Variants in APPBP2 observed in about 807,000 individuals in gnomAD.
APPBP2 encodes the protein amyloid beta precursor protein binding protein 2.
A neutral mutation model predicts 76.0 loss-of-function variants in APPBP2; 15 were observed. The ratio of observed to expected loss-of-function variants is 0.20; its 90% CI spans 0.13 to 0.30. The LOEUF (loss-of-function observed/expected upper bound fraction) is 0.30, where lower values mean the gene tolerates loss of function less well. Among genes scored for constraint, APPBP2 ranks in the 10% least tolerant of loss-of-function variants. The pLI, the probability that APPBP2 is intolerant of heterozygous loss-of-function variation, is 1.00. For missense variants in APPBP2, 401 were observed against 687.2 expected, an observed-to-expected ratio of 0.58 and a Z score of 4.66; for synonymous variants, 222 against 242.2, an observed-to-expected ratio of 0.92 and a Z score of 0.77.
At chr17:60,470,016 C>CT (rs879308852) in intron 4 of APPBP2, among the ~76,000 whole-genome samples, 2,353 of 147,108 alleles carry the variant, frequency 0.016, 56 homozygotes, top group African/African-American at 0.053. Context: ...TTTCCAATTT[C>CT]TTTTTTTTTT....
At chr17:60,491,887 T>C (rs1200963386) in intron 3 of APPBP2, among the ~76,000 whole-genome samples, 1 of 152,192 alleles carries the variant, frequency 6.6e-6, no homozygotes, top group Admixed American at 6.5e-5. Context: ...AGCAGCCAAA[T>C]GCTAATCTCC....
At chr17:60,515,112 ATTTTTT>A (rs746696162) in intron 1 of APPBP2, among the ~76,000 whole-genome samples, 1 of 106,228 alleles carries the variant, frequency 9.4e-6, no homozygotes, top group African/African-American at 3.7e-5. Flanking sequence ...CCTATTTTAA[ATTTTTT>A]TTTTTTTTTT....
intron 11 of APPBP2, among the ~76,000 whole-genome samples, chr17:60,452,333 T>C (rs906105025): frequency 6.6e-6 from 1 of 152,132 alleles, no homozygotes; most frequent in East Asian, 1.9e-4. Flanking sequence ...ACAAAGAAAT[T>C]TGCAAAATTT....
chr17:60,470,262 T>A (rs1426233698), intron 4 of APPBP2, among the ~76,000 whole-genome samples: 3 of 152,156 alleles, frequency 2.0e-5, no homozygotes, highest in Non-Finnish European at 4.4e-5. Context: ...TTGTCCATTT[T>A]TTATTTTTAA....
At chr17:60,485,395 A>G (rs774385534) in intron 3 of APPBP2, among the ~76,000 whole-genome samples, 1 of 152,158 alleles carries the variant, frequency 6.6e-6, no homozygotes, top group East Asian at 1.9e-4. Context: ...TTATTGGTCT[A>G]TTCAGAGATT....
intron 1 of APPBP2, among the ~76,000 whole-genome samples, chr17:60,524,953 A>G (rs1388723634): frequency 6.6e-6 from 1 of 152,190 alleles, no homozygotes; most frequent in African/African-American, 2.4e-5. Flanking sequence ...AGTTCTCCAC[A>G]CTCTGAAAAC....
intron 3 of APPBP2, among the ~76,000 whole-genome samples, chr17:60,490,215 G>T (rs1308596704): frequency 6.6e-6 from 1 of 152,072 alleles, no homozygotes; most frequent in Non-Finnish European, 1.5e-5. Flanking sequence ...AACTAAGTAA[G>T]GCCAGTAGTC....
chr17:60,472,292 C>T (rs2090558758), intron 4 of APPBP2, among the ~76,000 whole-genome samples: 1 of 152,058 alleles, frequency 6.6e-6, no homozygotes, highest in South Asian at 2.1e-4. Flanking sequence ...GTCTTCAGTC[C>T]TGGACTTTGT....
At position 60,510,264 on chromosome 17, in the gene APPBP2, G is replaced by A. The variant is rs926428651; in HGVS notation, c.139-9777C>T. 6.6e-5 allele frequency among the ~76,000 whole-genome samples: 10 copies of A among 152,014 alleles called. No individual in the cohort carries two copies. In the East Asian group the frequency reaches 1.7e-3, roughly 26 times the overall value. ...ACAAAAAATAAAAAATTAGCCAGAC[G>A]TGGTAGTACATATCTGTAGTCTGAA... On this transcript the variant is annotated intron_variant, in intron 1 of 12. Coordinates refer to ENST00000083182, the MANE Select transcript of APPBP2 (RefSeq NM_006380.5).
chr17:60,463,577 T>C (rs933369049), intron 6 of APPBP2, among the ~76,000 whole-genome samples: 31 of 152,200 alleles, frequency 2.0e-4, no homozygotes, highest in African/African-American at 7.5e-4. Flanking sequence ...AGGTCAAGTA[T>C]AGCAAGCTGC....
chr17:60,502,034 AG>A (rs1489723852), intron 1 of APPBP2, among the ~76,000 whole-genome samples: 27 of 152,286 alleles, frequency 1.8e-4, no homozygotes, highest in African/African-American at 6.3e-4. Flanking sequence ...ACCTTCAGCA[AG>A]AAAGATTTGT....
rs752190648 is a variant in APPBP2, at chr17:60,460,746, A to G, written c.978T>C (p.Asn326=). 1.2e-6 allele frequency: 2 copies of G among 1,613,820 alleles called. No homozygotes were observed. The highest frequency in any genetic ancestry group is 1.1e-5 in the South Asian group (1 of 91,064). The change falls in exon 9 of 13, where the codon AAT becomes AAC. Residue 326 remains asparagine, a synonymous_variant. Coordinates refer to ENST00000083182, the MANE Select transcript of APPBP2 (RefSeq NM_006380.5). ...DIRQSVFGGK[N]IHVATAHEDL... ...CTTCATGAGCTGTTGCTACGTGGAT[A>G]TTTTTGCCACCAAACACTGACTGTC... is the stretch of plus-strand genomic sequence containing the variant.
At chr17:60,521,408 C>A (rs35036155) in intron 1 of APPBP2, among the ~76,000 whole-genome samples, 6 of 152,224 alleles carry the variant, frequency 3.9e-5, no homozygotes, top group African/African-American at 7.2e-5. Context: ...TCACCACTCA[C>A]TCACTGACTT....
At position 60,526,222 on chromosome 17, in the gene APPBP2, C is replaced by G; in HGVS notation, c.-291G>C. On this transcript the variant is annotated 5_prime_UTR_variant, in exon 1 of 13. Coordinates refer to ENST00000083182, the MANE Select transcript of APPBP2 (RefSeq NM_006380.5). ...GGTTCCGTCCCAGCGCTGATCTCTG[C>G]AGGGGCGGGGCTGCGTGTGCGGCGT... 1 of 350,110 alleles carries G rather than the reference C, an allele frequency of 2.9e-6. No individual in the cohort carries two copies. Among genetic ancestry groups the G allele is most frequent in the South Asian group, 3.0e-5 (1 of 33,070 alleles). 21.7% of individuals were successfully genotyped at this position (350,110 alleles called of 1,614,324 possible).
chr17:60,468,478 C>T (rs746215361), intron 4 of APPBP2: 2 of 152,202 alleles, frequency 1.3e-5, no homozygotes, highest in Non-Finnish European at 2.9e-5. Flanking sequence ...TTTCCAAAGA[C>T]CTTCACTGTA....
At chr17:60,497,602 A>T (rs998027446) in intron 2 of APPBP2, among the ~76,000 whole-genome samples, 1 of 152,202 alleles carries the variant, frequency 6.6e-6, no homozygotes, top group Admixed American at 6.5e-5. Context: ...TATCTTATGT[A>T]ACCCATAAAT....
chr17:60,521,728 T>C lies in APPBP2; in HGVS notation c.138+4066A>G, dbSNP rs184621165. ...CACTGCACCTAGCCCCCAGGACAGC[T>C]TTGAATGAGACCCAACAGAAATTCG... On this transcript the variant is annotated intron_variant, in intron 1 of 12. Transcript: ENST00000083182. 3.3e-3 allele frequency among the ~76,000 whole-genome samples: 499 copies of C among 152,328 alleles called. 3 individuals are homozygous for C. Among genetic ancestry groups the C allele is most frequent in the African/African-American group, 0.011 (473 of 41,566 alleles).
chr17:60,488,749 A>G (rs1237107276), intron 3 of APPBP2, among the ~76,000 whole-genome samples: 2 of 152,130 alleles, frequency 1.3e-5, no homozygotes, highest in East Asian at 3.9e-4. Context: ...AGAGGACCTC[A>G]ATGAACACTA....
At chr17:60,509,158 G>T (rs930755680) in intron 1 of APPBP2, among the ~76,000 whole-genome samples, 30 of 151,932 alleles carry the variant, frequency 2.0e-4, no homozygotes, top group African/African-American at 7.3e-4. Context: ...GAGGCAGGTG[G>T]ATCACAAGGT....
Sources: gnomAD v4.1 joint callset for allele counts (sites outside exome capture counted in the v4.1 genomes callset) on GRCh38, gnomAD v4.1.1 for gene constraint, MANE v1.5 for transcripts, NCBI Gene and HGNC (gene_info 2026-07-23, HGNC 2026-07-21) for gene names.